The following LINGO2 variants were observed in gnomAD, a reference collection of about 807,000 sequenced individuals.
LINGO2 encodes the protein leucine-rich repeat and immunoglobulin-like domain-containing nogo receptor-interacting protein 2.
LINGO2 carries 14 observed loss-of-function variants against 30.6 expected under a neutral mutation model. The observed-to-expected ratio is 0.46, with a 90% CI of 0.30 to 0.72. The LOEUF is 0.72. Ranked by LOEUF, LINGO2 falls within the 30% of genes least tolerant of loss-of-function variation. LINGO2 has a pLI of 0.07. For missense variants in LINGO2, 729 were observed against 751.7 expected, an observed-to-expected ratio of 0.97 and a Z score of 0.35; for synonymous variants, 317 against 288.5, an observed-to-expected ratio of 1.10 and a Z score of -1.00.
At chr9:28,749,761 C>A in the LINGO2 span, among the ~76,000 whole-genome samples, 2 of 151,986 alleles carry the variant, frequency 1.3e-5, no homozygotes, top group Non-Finnish European at 2.9e-5. Context: ...AGATGACCAA[C>A]AATGAGTAAC....
rs1378281546 is a variant in LINGO2, at chr9:28,048,095, G to C, written c.-86-35690C>G. On this transcript the variant is annotated intron_variant, in intron 4 of 5. Coordinates refer to ENST00000379992, the Ensembl canonical transcript of LINGO2. The stretch of plus-strand genomic sequence containing the variant: ...CTGGCAGAAACACAAAGCCACCTCA[G>C]TGAGAAGGGGTAGGAAAATTAGAAA... Among the ~76,000 whole-genome samples, 33 of 150,984 alleles carry C rather than the reference G, an allele frequency of 2.2e-4. 2 individuals carry two copies. The highest frequency in any genetic ancestry group is 7.8e-4 in the African/African-American group (32 of 40,964).
chr9:28,299,602 T>C (rs1824060069), intron 3 of LINGO2, among the ~76,000 whole-genome samples: 1 of 152,132 alleles, frequency 6.6e-6, no homozygotes, highest in East Asian at 1.9e-4. Flanking sequence ...TTATGAGAAG[T>C]TTATACTATA....
At chr9:28,883,628 G>GTGTGTGTATGTATA in the LINGO2 span, among the ~76,000 whole-genome samples, 5 of 64,180 alleles carry the variant, frequency 7.8e-5, no homozygotes, top group African/African-American at 1.2e-4. Context: ...ATGTGTGTGT[G>GTGTGTGTATGTATA]TATATATATA....
At chr9:28,033,522 C>T (rs974092784) in intron 4 of LINGO2, among the ~76,000 whole-genome samples, 4 of 152,032 alleles carry the variant, frequency 2.6e-5, no homozygotes, top group South Asian at 2.1e-4. Context: ...TAAACTGCCA[C>T]GGTATAGTTG....
chr9:28,582,058 G>A (rs563733543), intron 1 of LINGO2, among the ~76,000 whole-genome samples: 2 of 152,006 alleles, frequency 1.3e-5, no homozygotes, highest in Non-Finnish European at 2.9e-5. Flanking sequence ...TCTGTCCTAA[G>A]TCCTATATTG....
the LINGO2 span, among the ~76,000 whole-genome samples, chr9:29,152,896 AAATATTATCAAAT>A: frequency 2.0e-5 from 3 of 152,182 alleles, no homozygotes; most frequent in Non-Finnish European, 2.9e-5. Context: ...TTGTATTTTG[AAATATTATCAAAT>A]TCACTTTTAA....
the LINGO2 span, among the ~76,000 whole-genome samples, chr9:28,990,088 G>A: frequency 6.6e-6 from 1 of 152,216 alleles, no homozygotes; most frequent in Admixed American, 6.5e-5. Context: ...AGCAGGGTGA[G>A]GCATTGCCTC....
rs549256812 is a variant in LINGO2, at chr9:28,107,131, C to T, written c.-86-94726G>A. Among the ~76,000 whole-genome samples the T allele has an allele frequency of 2.6e-5, 4 of 152,222 alleles. No homozygotes were observed. The South Asian group carries it at 6.2e-4, about 24-fold the overall frequency. ...CTTCCCAATGCTGCCTTCTATTATA[C>T]GTTCTCATAGCACTACACAACTCTC... is the stretch of plus-strand genomic sequence containing the variant. On this transcript the variant is annotated intron_variant, in intron 4 of 5. Transcript: ENST00000379992.
chr9:28,324,244 A>G (rs1329677397), intron 3 of LINGO2, among the ~76,000 whole-genome samples: 1 of 152,180 alleles, frequency 6.6e-6, no homozygotes, highest in Non-Finnish European at 1.5e-5. Flanking sequence ...TTTTAAAAAA[A>G]TAATAGCCGT....
chr9:28,652,974 G>C (rs549041285), intron 1 of LINGO2, among the ~76,000 whole-genome samples: 2 of 152,168 alleles, frequency 1.3e-5, no homozygotes, highest in African/African-American at 4.8e-5. Flanking sequence ...TAAGGATATA[G>C]CTGAAACTCC....
At chr9:28,852,296 C>T in the LINGO2 span, among the ~76,000 whole-genome samples, 1 of 151,886 alleles carries the variant, frequency 6.6e-6, no homozygotes, top group Non-Finnish European at 1.5e-5. Flanking sequence ...CCTGCAGCTC[C>T]CTCCCCCATC....
chr9:28,159,274 CAG>C (rs531289365), intron 4 of LINGO2, among the ~76,000 whole-genome samples: 148 of 152,194 alleles, frequency 9.7e-4, no homozygotes, highest in Non-Finnish European at 1.8e-3. Context: ...GGTGAATGAA[CAG>C]AGAATTAAAA....
chr9:28,254,698 T>C (rs1383261184), intron 4 of LINGO2, among the ~76,000 whole-genome samples: 1 of 152,088 alleles, frequency 6.6e-6, no homozygotes, highest in Non-Finnish European at 1.5e-5. Context: ...GGCTAGAAGA[T>C]AAAGTTTTCA....
intron 1 of LINGO2, among the ~76,000 whole-genome samples, chr9:28,588,586 T>C (rs372577435): frequency 4.2e-5 from 6 of 142,736 alleles, no homozygotes; most frequent in African/African-American, 1.6e-4. Context: ...ATCTCTTTAA[T>C]GAGTTCAGGT....
intron 4 of LINGO2, among the ~76,000 whole-genome samples, chr9:28,194,023 C>A (rs1819920684): frequency 1.3e-5 from 2 of 152,160 alleles, no homozygotes; most frequent in Admixed American, 6.5e-5. Context: ...AGTCACATAG[C>A]ATTTCTTCTA....
At chr9:29,115,983 C>T in the LINGO2 span, among the ~76,000 whole-genome samples, 9 of 151,966 alleles carry the variant, frequency 5.9e-5, no homozygotes, top group Non-Finnish European at 4.4e-5. Context: ...GTGCTAAATT[C>T]ATTTGTGGCT....
At chr9:28,331,944 C>A (rs1184908065) in intron 3 of LINGO2, among the ~76,000 whole-genome samples, 1 of 152,156 alleles carries the variant, frequency 6.6e-6, no homozygotes, top group African/African-American at 2.4e-5. Flanking sequence ...ATTAAAGAGT[C>A]TTTTTGCCTT....
rs1827879089 is a variant in LINGO2, at chr9:28,148,401, A to G, written c.-86-135996T>C. ...AACCTTCAACTTCCTTCATTAGATG[A>G]GCAGGTGATCCCAGCCAGGCTCCCG... On this transcript the variant is annotated intron_variant, in intron 4 of 5. Transcript: ENST00000379992. This position sits in a 1 kb window ranked among gnomAD's most constrained non-coding sequence, Gnocchi z 5.1. 2.4e-6 allele frequency: 3 copies of G among 1,268,258 alleles called. No homozygotes were observed. The highest frequency in any genetic ancestry group is 1.5e-5 in the African/African-American group (1 of 67,696). The allele number at this position is 1,268,258 out of a possible 1,614,324, so 78.6% of individuals were successfully genotyped here. A position where few individuals can be genotyped will look rare whatever the true frequency, so the allele number is the denominator to read the frequency against.
the LINGO2 span, among the ~76,000 whole-genome samples, chr9:28,826,960 T>C: frequency 7.2e-5 from 11 of 152,178 alleles, no homozygotes; most frequent in Non-Finnish European, 1.6e-4. Context: ...GATGCTATAG[T>C]TATTGGTCTG....
Sources: allele counts gnomAD v4.1 joint callset (sites outside exome capture counted in the v4.1 genomes callset), GRCh38; gene constraint gnomAD v4.1.1; non-coding constraint Gnocchi (gnomAD v3.1); transcripts MANE v1.5; gene names NCBI Gene and HGNC (gene_info 2026-07-23, HGNC 2026-07-21).